Variants in CEP76 observed in about 807,000 individuals in gnomAD.
CEP76 encodes centrosomal protein of 76 kDa.
A neutral mutation model predicts 83.3 loss-of-function variants in CEP76; 55 were observed. The observed-to-expected ratio is 0.66, with a 90% CI of 0.53 to 0.83. The LOEUF (loss-of-function observed/expected upper bound fraction) is 0.83. CEP76 is among the 40% of genes least tolerant of loss of function. The probability of loss-of-function intolerance (pLI) is 0.00; values close to 1 mark genes in which losing one functional copy is unlikely to be tolerated. For synonymous variants in CEP76, 270 were observed against 274.5 expected, an observed-to-expected ratio of 0.98 and a Z score of 0.16; for missense variants, 694 against 799.5, an observed-to-expected ratio of 0.87 and a Z score of 1.59.
chr18:12,697,548 C>CA (rs756795766), intron 4 of CEP76, 140 bp from the exon 5 acceptor site: 1 of 610,820 alleles, frequency 1.6e-6, no homozygotes, highest in Non-Finnish European at 2.7e-6. Flanking sequence ...AGAAAGCATG[C>CA]AAAAAACTGG....
rs540423945 is a variant in CEP76 at position 12,686,060 on chromosome 18, T to C, written c.1122+202A>G. 13 of 451,242 alleles carry C rather than the reference T, an allele frequency of 2.9e-5. No individual in the cohort carries two copies. In the East Asian group the frequency reaches 4.8e-4, roughly 17 times the overall value. 28.0% of individuals were successfully genotyped at this position (451,242 alleles called of 1,614,324 possible). A position where few individuals can be genotyped will look rare whatever the true frequency, so the allele number is the denominator to read the frequency against. On this transcript the variant is annotated intron_variant, in intron 8 of 11. Coordinates refer to ENST00000262127, the MANE Select transcript of CEP76 (RefSeq NM_024899.4). ...ACGTTGTTACACACCATTTTTTAAT[T>C]TGTACTATTTTTTATTATTGTAATT... is the stretch of plus-strand genomic sequence containing the variant.
chr18:12,673,257 T>C lies in CEP76; in HGVS notation c.*108A>G. 2 of 1,463,370 alleles carry C rather than the reference T, an allele frequency of 1.4e-6. No individual in the cohort carries two copies. The highest frequency in any genetic ancestry group is 1.8e-6 in the Non-Finnish European group (2 of 1,113,154). The allele number at this position is 1,463,370 out of a possible 1,614,324, so 90.6% of individuals were successfully genotyped here. ...TATATACAAAATTGAAGTATGCCAT[T>C]CAAGCCAGATTGTGATTTTAAAATA... On this transcript the variant is annotated 3_prime_UTR_variant, in exon 12 of 12. Coordinates refer to ENST00000262127, the MANE Select transcript of CEP76 (RefSeq NM_024899.4).
chr18:12,677,302 G>C (rs757393095), intron 10 of CEP76, among the ~76,000 whole-genome samples: 5 of 151,790 alleles, frequency 3.3e-5, no homozygotes, highest in Non-Finnish European at 7.4e-5. Flanking sequence ...TGGCAGCGTG[G>C]TAGCACATGT....
At chr18:12,668,817 T>TGCA (rs1419900024), downstream of CEP76, among the ~76,000 whole-genome samples, 1 of 137,058 alleles carries the variant, frequency 7.3e-6, no homozygotes, top group East Asian at 2.4e-4. Flanking sequence ...CTCGGCTCAC[T>TGCA]GCAGCCTTCG....
At chr18:12,675,687 G>A (rs953885831) in intron 10 of CEP76, among the ~76,000 whole-genome samples, 3 of 151,416 alleles carry the variant, frequency 2.0e-5, no homozygotes, top group Non-Finnish European at 4.4e-5. Flanking sequence ...TAAATTTTTT[G>A]AGACAGAGTC....
In CEP76 at chr18:12,686,448, A is replaced by G. The variant is rs769347365; in HGVS notation, c.936T>C (p.Asp312=). The G allele has an allele frequency of 8.1e-6, 13 of 1,602,836 alleles. No homozygotes were observed. The Admixed American group carries it at 2.1e-4, about 26-fold the overall frequency. ...AGACTGGTCTATTTATCCCATTTTCATCCTAGGGAAAAGGGGAAAAACATC... is the reference window on the plus strand; with the variant it reads ...AGACTGGTCTATTTATCCCATTTTCGTCCTAGGGAAAAGGGGAAAAACATC... ...NSRLVKIFAQ[D]ENGINRPVCS... The change falls in exon 8 of 12, where the codon GAT becomes GAC. Residue 312 remains aspartate, a splice_region_variant and synonymous_variant. Transcript: ENST00000262127.
chr18:12,666,904 T>C (rs2038815687), intron 12 of CEP76, among the ~76,000 whole-genome samples: 1 of 152,104 alleles, frequency 6.6e-6, no homozygotes, highest in Non-Finnish European at 1.5e-5. Flanking sequence ...TATTAATATA[T>C]TGACAAAAAA....
intron 4 of CEP76, 126 bp downstream of exon 4, chr18:12,698,853 T>A (rs2040052525): frequency 1.5e-6 from 1 of 678,142 alleles, no homozygotes; most frequent in South Asian, 2.1e-5. Flanking sequence ...AAAAGAGCAG[T>A]GGGAAACAAA....
rs750511849 is a variant in CEP76, at chr18:12,686,341, T to C, written c.1043A>G (p.Tyr348Cys). 1 of 1,614,110 alleles carries C rather than the reference T, an allele frequency of 6.2e-7. No individual in the cohort carries two copies. The highest frequency in any genetic ancestry group is 8.5e-7 in the Non-Finnish European group (1 of 1,179,996). ...TCCTCCAATAACAGGGGCTCGTTCATAACCAAGGACATTAACAAATCTTGC... is the reference window on the plus strand; with the variant it reads ...TCCTCCAATAACAGGGGCTCGTTCACAACCAAGGACATTAACAAATCTTGC... ...QAARFVNVLG[Y>C]ERAPVIGGGG... Residue 348 changes from tyrosine to cysteine, a missense_variant, in exon 8 of 12, where the codon TAT becomes TGT. Transcript: ENST00000262127.
chr18:12,662,700 C>A (rs557809831), intron 12 of CEP76, among the ~76,000 whole-genome samples: 2 of 152,234 alleles, frequency 1.3e-5, no homozygotes, highest in South Asian at 4.1e-4. Context: ...TCGCTTGAGC[C>A]CAGGAGGCAG....
downstream of CEP76, among the ~76,000 whole-genome samples, chr18:12,672,255 C>T (rs2038967886): frequency 6.6e-6 from 1 of 151,784 alleles, no homozygotes; most frequent in Admixed American, 6.6e-5. Flanking sequence ...GCTGGGATTA[C>T]AGGTGTGAGC....
intron 7 of CEP76, among the ~76,000 whole-genome samples, chr18:12,688,629 A>T (rs563828755): frequency 1.8e-4 from 28 of 152,218 alleles, no homozygotes; most frequent in Non-Finnish European, 3.7e-4. Context: ...AACTGTTTTG[A>T]AAAGTTAATA....
intron 3 of CEP76, among the ~76,000 whole-genome samples, 186 bp downstream of exon 3, chr18:12,699,644 T>C (rs1002123829): frequency 1.3e-5 from 2 of 152,190 alleles, no homozygotes; most frequent in African/African-American, 4.8e-5. Flanking sequence ...TTTTTGCTTC[T>C]ACCGTGCTAT....
intron 12 of CEP76, chr18:12,662,183 C>T (rs1472033833): frequency 2.3e-6 from 1 of 429,796 alleles, no homozygotes; most frequent in Non-Finnish European, 4.6e-6. Context: ...GAAAAGTGCA[C>T]CAGAAAGGAA....
At chr18:12,690,375 A>T (rs77907473) in intron 7 of CEP76, among the ~76,000 whole-genome samples, 6 of 152,196 alleles carry the variant, frequency 3.9e-5, no homozygotes, top group African/African-American at 1.2e-4. Flanking sequence ...ATATGAAAGC[A>T]TCTGTATGAG....
intron 7 of CEP76, among the ~76,000 whole-genome samples, chr18:12,689,820 C>T (rs886917947): frequency 2.6e-5 from 4 of 152,090 alleles, no homozygotes; most frequent in Non-Finnish European, 4.4e-5. Context: ...GACAGAGTCT[C>T]ACTCTGTTGC....
chr18:12,674,816 T>A, intron 10 of CEP76, 63 bp from the exon 11 acceptor site: 1 of 1,022,476 alleles, frequency 9.8e-7, no homozygotes. Context: ...ACCAACTAAA[T>A]AAAAATGTTG....
intron 12 of CEP76, among the ~76,000 whole-genome samples, chr18:12,664,175 A>AAG (rs71174120): frequency 0.37 from 56,796 of 151,704 alleles, 10,885 homozygotes; most frequent in Non-Finnish European, 0.43. Context: ...CAAAAGAAAA[A>AAG]AGAGTCCTCC....
chr18:12,675,276 G>T (rs1482686994), intron 10 of CEP76, among the ~76,000 whole-genome samples: 1 of 152,022 alleles, frequency 6.6e-6, no homozygotes, highest in Non-Finnish European at 1.5e-5. Flanking sequence ...GGTGCATGTA[G>T]TCCCAGCTAC....
Sources: allele counts gnomAD v4.1 joint callset (sites outside exome capture counted in the v4.1 genomes callset), GRCh38; gene constraint gnomAD v4.1.1; transcripts MANE v1.5; gene names NCBI Gene and HGNC (gene_info 2026-07-23, HGNC 2026-07-21).